MYO18B: variants seen among roughly 807,000 people sequenced by gnomAD.
MYO18B encodes the protein myosin XVIIIB.
MYO18B carries 204 observed loss-of-function variants against 273.0 expected under a neutral mutation model. The observed-to-expected ratio is 0.75, with a 90% CI of 0.67 to 0.84. MYO18B has a LOEUF of 0.84. Ranked by LOEUF, MYO18B falls within the 40% of genes least tolerant of loss-of-function variation. MYO18B has a pLI of 0.00. For synonymous variants in MYO18B, 1,330 were observed against 1,305.7 expected (o/e 1.02, Z -0.40); for missense variants, 3,212 against 3,287.6 (o/e 0.98, Z 0.56).
chr22:25,782,429 G>A (rs1005068103), intron 10 of MYO18B, among the ~76,000 whole-genome samples: 22 of 152,326 alleles, frequency 1.4e-4, no homozygotes, highest in Admixed American at 1.4e-3. Flanking sequence ...GAGTGGAGCA[G>A]TGAGCTGGGT....
intron 35 of MYO18B, among the ~76,000 whole-genome samples, chr22:25,947,140 C>T (rs756766187): frequency 3.3e-5 from 5 of 152,008 alleles, no homozygotes; most frequent in East Asian, 1.9e-4. Context: ...CACATACATG[C>T]GCACACGTGT....
rs1477253153 is a variant in MYO18B, at chr22:25,898,447, G to C, written c.4809G>C (p.Glu1603Asp). The stretch of plus-strand genomic sequence containing the variant: ...AACAAAGTCGAAACCATGAGCTGGA[G>C]AAGAAGCAGAAGAAGTGAGTTGCAT... ...ENQQSRNHELEKKQKKFDLQL... is the reference protein window; with the variant it reads ...ENQQSRNHELDKKQKKFDLQL... Residue 1603 changes from glutamate to aspartate, a missense_variant, in exon 29 of 44, where the codon GAG (glutamate) becomes GAC (aspartate). Transcript: ENST00000335473. The C allele has an allele frequency of 1.9e-6, 3 of 1,613,648 alleles. No homozygotes were observed. Among genetic ancestry groups the C allele is most frequent in the Non-Finnish European group, 2.5e-6 (3 of 1,179,746 alleles).
intron 21 of MYO18B, among the ~76,000 whole-genome samples, chr22:25,857,745 C>T (rs1305178616): frequency 1.3e-5 from 2 of 152,232 alleles, no homozygotes; most frequent in Non-Finnish European, 2.9e-5. Context: ...CCTCTGCCTC[C>T]TGGGTTCAAG....
chr22:26,029,399 A>G (rs972148468), intron 43 of MYO18B, among the ~76,000 whole-genome samples: 6 of 152,196 alleles, frequency 3.9e-5, no homozygotes, highest in Non-Finnish European at 8.8e-5. Flanking sequence ...GGACTCTATC[A>G]GAGCAAACTA....
At chr22:25,868,434 C>A in intron 22 of MYO18B, 49 bp downstream of exon 22, 2 of 1,455,148 alleles carry the variant, frequency 1.4e-6, no homozygotes, top group East Asian at 2.4e-5. Context: ...ATCAGGGACC[C>A]AGAGATGACC....
chr22:25,922,972 A>G (rs1459419195), intron 34 of MYO18B, among the ~76,000 whole-genome samples: 2 of 152,044 alleles, frequency 1.3e-5, no homozygotes, highest in African/African-American at 4.8e-5. Flanking sequence ...CCGGGATCCA[A>G]CCCGGGACCA....
At chr22:25,810,778 A>G (rs1220081311) in intron 12 of MYO18B, among the ~76,000 whole-genome samples, 1 of 151,948 alleles carries the variant, frequency 6.6e-6, no homozygotes, top group Admixed American at 6.6e-5. Flanking sequence ...GAACAATTGA[A>G]CAGAAAGTAC....
At position 25,823,544 on chromosome 22, in the gene MYO18B, A is replaced by T. The variant is rs373683179; in HGVS notation, c.2561A>T (p.Tyr854Phe). 1 of 1,613,920 alleles carries T rather than the reference A, an allele frequency of 6.2e-7. No homozygotes were observed. ...TTCATGAGGTTTGAGTGGGCAAACT[A>T]CGCAGCTGAGGCCCTGGGCTGCGAG... ...KQFMRFEWAN[Y>F]AAEALGCEYE... The change falls in exon 13 of 44, where the codon TAC (tyrosine) becomes TTC (phenylalanine). Residue 854 changes from tyrosine (Y) to phenylalanine (F), a missense_variant. Transcript: ENST00000335473.
At chr22:25,836,708 C>T (rs1253876166) in intron 17 of MYO18B, among the ~76,000 whole-genome samples, 1 of 152,100 alleles carries the variant, frequency 6.6e-6, no homozygotes, top group South Asian at 2.1e-4. Flanking sequence ...CGCCTGTAAT[C>T]ACAGCACTTT....
rs183434074 is a variant in MYO18B at position 25,764,535 on chromosome 22, G to A, written c.198+1146G>A. Among the ~76,000 whole-genome samples the A allele has an allele frequency of 4.6e-3, 703 of 152,302 alleles. 3 individuals are homozygous for A. Among genetic ancestry groups the A allele is most frequent in the Non-Finnish European group, 5.7e-3 (390 of 68,008 alleles). On this transcript the variant is annotated intron_variant, in intron 3 of 43. Transcript: ENST00000335473. ...TTCCTTCCCCTCCCCTTCAGCTTTG[G>A]TTTGCCCGGCTAGTCCCACATGTGC... is the stretch of plus-strand genomic sequence containing the variant.
intron 40 of MYO18B, among the ~76,000 whole-genome samples, chr22:26,002,818 C>T (rs1270655574): frequency 3.3e-5 from 5 of 152,246 alleles, no homozygotes; most frequent in Non-Finnish European, 1.5e-5. Flanking sequence ...CAGCTACCAT[C>T]GTAATTAGTA....
intron 21 of MYO18B, 111 bp from the exon 22 acceptor site, chr22:25,868,207 CAT>C: frequency 1.2e-6 from 1 of 858,848 alleles, no homozygotes; most frequent in Non-Finnish European, 1.9e-6. Flanking sequence ...AGCTCACAGA[CAT>C]GTGGGGTCAT....
At chr22:25,885,248 A>G (rs1170638981) in intron 25 of MYO18B, among the ~76,000 whole-genome samples, 1 of 152,214 alleles carries the variant, frequency 6.6e-6, no homozygotes, top group Non-Finnish European at 1.5e-5. Flanking sequence ...CATCTCACAG[A>G]TGAGGCAAGG....
intron 21 of MYO18B, among the ~76,000 whole-genome samples, chr22:25,862,474 T>G (rs2090765498): frequency 6.6e-6 from 1 of 152,208 alleles, no homozygotes; most frequent in Non-Finnish European, 1.5e-5. Flanking sequence ...CCTGAAGGAC[T>G]TCCTTTAATG....
At chr22:26,054,497 C>T in the MYO18B span, among the ~76,000 whole-genome samples, 1 of 152,206 alleles carries the variant, frequency 6.6e-6, no homozygotes, top group Non-Finnish European at 1.5e-5. Flanking sequence ...TGAACGAGAA[C>T]AAGCTGTGTT....
At chr22:25,876,816 A>C (rs2091213466) in intron 24 of MYO18B, 1 of 152,234 alleles carries the variant, frequency 6.6e-6, no homozygotes, top group Non-Finnish European at 1.5e-5. Flanking sequence ...TATTTCTTAC[A>C]TAAAAAGTAG....
At chr22:25,871,666 C>T (rs754455560) in intron 22 of MYO18B, among the ~76,000 whole-genome samples, 13 of 152,070 alleles carry the variant, frequency 8.5e-5, no homozygotes, top group Admixed American at 1.3e-4. Flanking sequence ...GATTTTTCTT[C>T]GTGATTTTTC....
At chr22:25,832,276 ATTAGGGACTCAAACGGGTAT>A (rs1283963357) in intron 15 of MYO18B, among the ~76,000 whole-genome samples, 1 of 152,218 alleles carries the variant, frequency 6.6e-6, no homozygotes, top group Non-Finnish European at 1.5e-5. Context: ...AAGAATTGAA[ATTAGGGACTCAAACGGGTAT>A]TTGTGCACCA....
intron 21 of MYO18B, among the ~76,000 whole-genome samples, chr22:25,866,784 CAAAAA>C (rs56260207): frequency 2.2e-4 from 9 of 40,164 alleles, no homozygotes; most frequent in African/African-American, 5.2e-4. Flanking sequence ...GACTCCGTCT[CAAAAA>C]AAAAAAAAAA....
Sources: allele counts gnomAD v4.1 joint callset (sites outside exome capture counted in the v4.1 genomes callset), GRCh38; gene constraint gnomAD v4.1.1; transcripts MANE v1.5; gene names NCBI Gene and HGNC (gene_info 2026-07-23, HGNC 2026-07-21).